SEMA4C: variants seen among roughly 807,000 people sequenced by gnomAD.
SEMA4C encodes the protein semaphorin-4C.
A neutral mutation model predicts 89.0 loss-of-function variants in SEMA4C; 19 were observed. The ratio of observed to expected loss-of-function variants is 0.21; its 90% CI spans 0.15 to 0.31. The LOEUF is 0.31. Among genes scored for constraint, SEMA4C ranks in the 10% least tolerant of loss-of-function variants. SEMA4C has a pLI of 1.00. For synonymous variants in SEMA4C, 428 were observed against 472.7 expected (o/e 0.91, Z 1.23); for missense variants, 811 against 1,107.0 (o/e 0.73, Z 3.79).
At position 96,869,900 on chromosome 2, in the gene SEMA4C, G is replaced by A. The variant is rs2080168919; in HGVS notation, c.-62C>T. 8 of 985,976 alleles carry A rather than the reference G, an allele frequency of 8.1e-6. No homozygotes were observed. The highest frequency in any genetic ancestry group is 4.6e-5 in the South Asian group (1 of 21,910). The allele number at this position is 985,976 out of a possible 1,614,324, so 61.1% of individuals were successfully genotyped here. On this transcript the variant is annotated 5_prime_UTR_variant, in exon 1 of 15. Coordinates refer to ENST00000305476, the MANE Select transcript of SEMA4C (RefSeq NM_017789.5). ...CCTATTGCGCGCAGCTCCAGTCCCC[G>A]GGCGCCGCCCTCGCGTTCGGCTCTG...
At position 96,864,884 on chromosome 2, in the gene SEMA4C, G is replaced by A. The variant is rs1299425219; in HGVS notation, c.787-4C>T. On this transcript the variant is annotated splice_region_variant and splice_polypyrimidine_tract_variant and intron_variant, in intron 8 of 14. Transcript: ENST00000305476. The surrounding 1 kb of genome is among the most constrained non-coding windows in gnomAD (Gnocchi z 6.3). The stretch of plus-strand genomic sequence containing the variant: ...TCCGTGCGCCCCCCATATCGCCCTG[G>A]CAGACGGCAAGGGGACACTGCCGGT... 1 of 1,612,590 alleles carries A rather than the reference G, an allele frequency of 6.2e-7. No homozygotes were observed. The highest frequency in any genetic ancestry group is 1.1e-5 in the South Asian group (1 of 91,002).
rs549543601 is a variant in SEMA4C at position 96,861,786 on chromosome 2, C to T, written c.1552G>A (p.Ala518Thr). 17 of 1,613,374 alleles carry T rather than the reference C, an allele frequency of 1.1e-5. No individual in the cohort carries two copies. Among genetic ancestry groups the T allele is most frequent in the South Asian group, 2.2e-5 (2 of 91,086 alleles). ...DCVLARDPYC[A>T]WSVNTSRCVA... ...CAGCGGCTGGTGTTGACGCTCCAGG[C>T]GCAATAGGGGTCCCGGGCGAGGACA... Residue 518 changes from alanine (A) to threonine (T), a missense_variant, in exon 13 of 15, where the codon GCC becomes ACC. By Grantham distance (58) the Ala-to-Thr change is moderately conservative. Transcript: ENST00000305476. The surrounding 1 kb of genome is among the most constrained non-coding windows in gnomAD (Gnocchi z 7.8).
intron 12 of SEMA4C, chr2:96,862,882 AAAT>A: frequency 6.8e-6 from 1 of 147,808 alleles, no homozygotes; most frequent in African/African-American, 2.5e-5. Context: ...AAAAAAAAAA[AAAT>A]TAGCTGGGCA....
Position 96,864,382 on chromosome 2 carries a change from CCT to C in SEMA4C, c.963-2_963-1del. The C allele has an allele frequency of 6.2e-7, 1 of 1,613,376 alleles. No individual in the cohort carries two copies. Among genetic ancestry groups the C allele is most frequent in the Non-Finnish European group, 8.5e-7 (1 of 1,179,986 alleles). ...AGATGGCCGACAGGTACATGTCACCCCTGTCACAGCGAGAGGGAGCCCAGGGT... is the reference window on the plus strand; with the variant it reads ...AGATGGCCGACAGGTACATGTCACCCGTCACAGCGAGAGGGAGCCCAGGGT... On this transcript the variant is annotated splice_acceptor_variant, in intron 9 of 14. Coordinates refer to ENST00000305476, the MANE Select transcript of SEMA4C (RefSeq NM_017789.5). LOFTEE classifies it high-confidence loss of function. The surrounding 1 kb of genome is among the most constrained non-coding windows in gnomAD (Gnocchi z 6.3).
intron 12 of SEMA4C, 121 bp downstream of exon 12, chr2:96,863,561 T>C (rs2080000812): frequency 8.0e-7 from 1 of 1,242,720 alleles, no homozygotes; most frequent in Admixed American, 2.1e-5. Flanking sequence ...CATCCACATG[T>C]GTGTGTGTTC....
rs1234283374 is a variant in SEMA4C, at chr2:96,864,886, A to G, written c.787-6T>C. The G allele has an allele frequency of 6.2e-7, 1 of 1,612,582 alleles. No individual in the cohort carries two copies. The highest frequency in any genetic ancestry group is 2.2e-5 in the East Asian group (1 of 44,858). ...CGTGCGCCCCCCATATCGCCCTGGCAGACGGCAAGGGGACACTGCCGGTCA... is the reference window on the plus strand; with the variant it reads ...CGTGCGCCCCCCATATCGCCCTGGCGGACGGCAAGGGGACACTGCCGGTCA... On this transcript the variant is annotated splice_region_variant and splice_polypyrimidine_tract_variant and intron_variant, in intron 8 of 14. Coordinates refer to ENST00000305476, the MANE Select transcript of SEMA4C (RefSeq NM_017789.5). This position sits in a 1 kb window ranked among gnomAD's most constrained non-coding sequence, Gnocchi z 6.3.
rs763210940 is a variant in SEMA4C, at chr2:96,864,393, G to A, written c.963-11C>T. On this transcript the variant is annotated splice_polypyrimidine_tract_variant and intron_variant, in intron 9 of 14. Transcript: ENST00000305476. This position sits in a 1 kb window ranked among gnomAD's most constrained non-coding sequence, Gnocchi z 6.3. ...AGGTACATGTCACCCCTGTCACAGCGAGAGGGAGCCCAGGGTCAGGTACCC... is the reference window on the plus strand; with the variant it reads ...AGGTACATGTCACCCCTGTCACAGCAAGAGGGAGCCCAGGGTCAGGTACCC... 3.3e-5 allele frequency: 53 copies of A among 1,612,702 alleles called. No individual in the cohort carries two copies. The highest frequency in any genetic ancestry group is 4.2e-5 in the Non-Finnish European group (50 of 1,179,962).
rs748289416 is a variant in SEMA4C, at chr2:96,861,777, C to T, written c.1561G>A (p.Val521Ile). Reference protein sequence around the residue: ...LARDPYCAWSVNTSRCVAVGG... With the variant: ...LARDPYCAWSINTSRCVAVGG... ...ACGGCCACACAGCGGCTGGTGTTGA[C>T]GCTCCAGGCGCAATAGGGGTCCCGG... Residue 521 changes from valine (V) to isoleucine (I), a missense_variant, in exon 13 of 15, where the codon GTC (valine) becomes ATC (isoleucine). Val to Ile is a conservative substitution (Grantham distance 29). This residue lies in a region of SEMA4C where 441 missense variants were observed against 664.9 expected (regional missense o/e 0.66). Transcript: ENST00000305476. This position sits in a 1 kb window ranked among gnomAD's most constrained non-coding sequence, Gnocchi z 7.8. 19 of 1,613,290 alleles carry T rather than the reference C, an allele frequency of 1.2e-5. No individual in the cohort carries two copies. The highest frequency in any genetic ancestry group is 4.5e-5 in the East Asian group (2 of 44,904).
At chr2:96,866,194 C>T (rs1190246312) in intron 3 of SEMA4C, 89 bp downstream of exon 3, 4 of 1,508,330 alleles carry the variant, frequency 2.7e-6, no homozygotes, top group Non-Finnish European at 3.5e-6. Flanking sequence ...GTGGGGGCAG[C>T]CAGGCTGAGG....
rs761694709 is a variant in SEMA4C at position 96,861,501 on chromosome 2, G to C, written c.1673-46C>G. ...GAGTGCATGTTAGTGCAGGAAAGCA[G>C]GGCTGGGGAAGAGGAGAACAGAAAC... On this transcript the variant is annotated intron_variant, in intron 14 of 14. Coordinates refer to ENST00000305476, the MANE Select transcript of SEMA4C (RefSeq NM_017789.5). This position sits in a 1 kb window ranked among gnomAD's most constrained non-coding sequence, Gnocchi z 7.8. The C allele has an allele frequency of 5.0e-6, 8 of 1,609,526 alleles. No individual in the cohort carries two copies. Among genetic ancestry groups the C allele is most frequent in the Non-Finnish European group, 6.0e-6 (7 of 1,176,284 alleles).
chr2:96,862,122 C>G (rs2079961454), intron 12 of SEMA4C: 2 of 541,676 alleles, frequency 3.7e-6, no homozygotes, highest in Non-Finnish European at 6.6e-6. Flanking sequence ...TCCTAAGCCC[C>G]TTATCGACGT....
intron 1 of SEMA4C, 165 bp downstream of exon 1, chr2:96,869,711 G>A: frequency 1.0e-6 from 1 of 985,060 alleles, no homozygotes; most frequent in Non-Finnish European, 1.2e-6. Context: ...GCAGCCGCGG[G>A]GGTCGCAGGA....
chr2:96,860,772 C>T lies in SEMA4C; in HGVS notation c.2356G>A (p.Ala786Thr). The T allele has an allele frequency of 1.2e-6, 2 of 1,613,928 alleles. No homozygotes were observed. The highest frequency in any genetic ancestry group is 2.2e-5 in the South Asian group (2 of 91,086). ...AGTTGTAAGCGCACGTAACCATTGG[C>T]ATTTGAGTTCCGCCCACCCCCCAGG... The part of the protein sequence containing the change: ...LHLGGGRNSN[A>T]NGYVRLQLGG... Residue 786 changes from alanine (A) to threonine (T), a missense_variant, in exon 15 of 15, where the codon GCC becomes ACC. Ala to Thr is a moderately conservative substitution (Grantham distance 58). This residue lies in a region of SEMA4C where 248 missense variants were observed against 269.0 expected (regional missense o/e 0.92). Transcript: ENST00000305476.
intron 1 of SEMA4C, chr2:96,868,722 C>T (rs1366442358): frequency 8.4e-6 from 8 of 956,656 alleles, no homozygotes; most frequent in Non-Finnish European, 9.9e-6. Flanking sequence ...TCGGGGACTC[C>T]GGCGGCGCGC....
chr2:96,870,108 C>A, upstream of SEMA4C: 3 of 967,254 alleles, frequency 3.1e-6, no homozygotes, highest in Non-Finnish European at 3.7e-6. Context: ...CCGCCCCCTT[C>A]CCCTTGACGT....
chr2:96,865,241 G>A lies in SEMA4C; in HGVS notation c.597C>T (p.His199=), dbSNP rs2080042771. The part of the protein sequence containing the change: ...PIILRNMGPH[H]SMKTEYLAFW... Reference sequence around the variant, plus strand: ...AGGCCAGGTACTCTGTCTTCATGGAGTGGTGGGGCCCCATGTTACGCAGGA... The same window carrying A: ...AGGCCAGGTACTCTGTCTTCATGGAATGGTGGGGCCCCATGTTACGCAGGA... Residue 199 remains histidine, a synonymous_variant, in exon 7 of 15, where the codon CAC becomes CAT. Transcript: ENST00000305476. The A allele has an allele frequency of 6.2e-7, 1 of 1,614,180 alleles. No individual in the cohort carries two copies. The highest frequency in any genetic ancestry group is 1.3e-5 in the African/African-American group (1 of 75,068).
At chr2:96,865,826 T>C (rs756151395) in intron 4 of SEMA4C, 41 bp downstream of exon 4, 2 of 1,613,760 alleles carry the variant, frequency 1.2e-6, no homozygotes, top group South Asian at 1.1e-5. Context: ...GGAGACGTCC[T>C]GGGGTGAAGG....
At chr2:96,863,618 C>A in intron 12 of SEMA4C, 64 bp downstream of exon 12, 1 of 1,494,856 alleles carries the variant, frequency 6.7e-7, no homozygotes, top group Non-Finnish European at 9.3e-7. Flanking sequence ...GGAGAAGCAG[C>A]CAGATGGAGA....
chr2:96,864,231 C>T lies in SEMA4C; in HGVS notation c.1107+7G>A. On this transcript the variant is annotated splice_region_variant and intron_variant, in intron 10 of 14. Transcript: ENST00000305476. This position sits in a 1 kb window ranked among gnomAD's most constrained non-coding sequence, Gnocchi z 6.3. Reference sequence around the variant, plus strand: ...GTGGGGAGATGCATCCCTGCCCTAGCACTCACCGAGCCAGGCCGAGGGCTG... The same window carrying T: ...GTGGGGAGATGCATCCCTGCCCTAGTACTCACCGAGCCAGGCCGAGGGCTG... 6.2e-7 allele frequency: 1 copy of T among 1,613,862 alleles called. No homozygotes were observed. Among genetic ancestry groups the T allele is most frequent in the East Asian group, 2.2e-5 (1 of 44,868 alleles).
Sources: gnomAD v4.1 joint callset for allele counts on GRCh38, gnomAD v4.1.1 for gene constraint, gnomAD v4.1.1 regional missense constraint, Gnocchi (gnomAD v3.1) non-coding constraint, MANE v1.5 for transcripts, NCBI Gene and HGNC (gene_info 2026-07-23, HGNC 2026-07-21) for gene names.